Variants in RORA observed in about 807,000 individuals in gnomAD.
RORA encodes nuclear receptor ROR-alpha.
In RORA, 7 loss-of-function variants were observed where a neutral mutation model predicts 69.5. The observed-to-expected ratio is 0.10, with a 90% CI of 0.06 to 0.19. The LOEUF (loss-of-function observed/expected upper bound fraction) is 0.19. RORA is among the 10% of genes least tolerant of loss of function. The pLI is 1.00. For missense variants in RORA, 457 were observed against 663.0 expected (o/e 0.69, Z 3.41); for synonymous variants, 261 against 240.8 (o/e 1.08, Z -0.78).
At chr15:60,595,895 G>A (rs896216257) in intron 2 of RORA, among the ~76,000 whole-genome samples, 31 of 152,178 alleles carry the variant, frequency 2.0e-4, no homozygotes, top group Non-Finnish European at 3.8e-4. Context: ...CCCACGTGGT[G>A]TTCCTGTGTG....
At chr15:60,786,459 A>T (rs1231514418) in intron 1 of RORA, among the ~76,000 whole-genome samples, 1 of 152,236 alleles carries the variant, frequency 6.6e-6, no homozygotes, top group African/African-American at 2.4e-5. Flanking sequence ...TCTTTGTGAG[A>T]TGCACCTTGC....
intron 1 of RORA, among the ~76,000 whole-genome samples, chr15:61,114,725 T>C (rs547026333): frequency 6.6e-6 from 1 of 152,306 alleles, no homozygotes; most frequent in African/African-American, 2.4e-5. Context: ...TCACGGATGG[T>C]TATCCCTATA....
intron 1 of RORA, among the ~76,000 whole-genome samples, chr15:60,958,932 A>G (rs539889782): frequency 6.0e-4 from 92 of 152,248 alleles, no homozygotes; most frequent in African/African-American, 2.2e-3. Context: ...AATGGCCCAT[A>G]CTCTCTGCAC....
intron 2 of RORA, among the ~76,000 whole-genome samples, chr15:60,572,321 T>C (rs75939644): frequency 0.037 from 5,559 of 152,190 alleles, 322 homozygotes; most frequent in African/African-American, 0.13. Flanking sequence ...AAGAACCCCA[T>C]AAGAAACCTA....
At chr15:61,038,261 G>C (rs1182999773) in intron 1 of RORA, among the ~76,000 whole-genome samples, 3 of 152,170 alleles carry the variant, frequency 2.0e-5, no homozygotes, top group Non-Finnish European at 1.5e-5. Flanking sequence ...ATGTAGCAAT[G>C]AGACAAAATA....
intron 1 of RORA, among the ~76,000 whole-genome samples, chr15:61,180,997 G>A (rs1025835154): frequency 5.3e-5 from 8 of 151,696 alleles, no homozygotes; most frequent in East Asian, 1.9e-4. Context: ...CCAGCTACTC[G>A]GGAGGCTGAG....
At chr15:60,931,063 GA>G (rs1246300289) in intron 1 of RORA, among the ~76,000 whole-genome samples, 5 of 152,214 alleles carry the variant, frequency 3.3e-5, no homozygotes. Flanking sequence ...GCAGGGGGAA[GA>G]GGGGGAAGAC....
rs114915410 is a variant in RORA, at chr15:60,806,241, G to C, written c.167-127555C>G. Among the ~76,000 whole-genome samples, 115 of 152,228 alleles carry C rather than the reference G, an allele frequency of 7.6e-4. 1 individual carries two copies. Among genetic ancestry groups the C allele is most frequent in the African/African-American group, 2.6e-3 (108 of 41,516 alleles). On this transcript the variant is annotated intron_variant, in intron 1 of 10. Coordinates refer to ENST00000335670, the MANE Select transcript of RORA (RefSeq NM_134261.3). ...TAAAAAAACAAAAACAAAAACTTTG[G>C]GGCAAAGGAAAATACATACTCTAGC...
intron 2 of RORA, among the ~76,000 whole-genome samples, chr15:60,543,075 C>A (rs1267799993): frequency 6.6e-6 from 1 of 151,944 alleles, no homozygotes; most frequent in Non-Finnish European, 1.5e-5. Context: ...CGTGACTGGG[C>A]ACCAAGGACA....
At chr15:61,171,959 G>C (rs1361414663) in intron 1 of RORA, among the ~76,000 whole-genome samples, 1 of 152,150 alleles carries the variant, frequency 6.6e-6, no homozygotes, top group African/African-American at 2.4e-5. Flanking sequence ...TGCTTCAGTG[G>C]TGTTATTTAG....
intron 1 of RORA, among the ~76,000 whole-genome samples, chr15:61,144,081 C>A (rs570234275): frequency 1.3e-5 from 2 of 152,270 alleles, no homozygotes; most frequent in Admixed American, 1.3e-4. Context: ...AGAACAAGAA[C>A]CTTGTGTAAA....
At chr15:60,865,570 C>T (rs341384) in intron 1 of RORA, among the ~76,000 whole-genome samples, 1 of 152,142 alleles carries the variant, frequency 6.6e-6, no homozygotes, top group Non-Finnish European at 1.5e-5. Context: ...CAAGGGTGAG[C>T]GTCCTCTGTA....
In RORA at chr15:60,540,574, C is replaced by CCCCCGCCG. The variant is rs1555428642; in HGVS notation, c.197-8724_197-8723insCGGCGGGG. ...TGCACAATTTCCATGACCCCCCCCC[C>CCCCCGCCG]CCAAAACTGTGCGGTCACAAAACCC... On this transcript the variant is annotated intron_variant, in intron 2 of 10. Transcript: ENST00000335670. 6.8e-5 allele frequency among the ~76,000 whole-genome samples: 7 copies of CCCCCGCCG among 102,670 alleles called. 1 individual carries two copies. Among genetic ancestry groups the CCCCCGCCG allele is most frequent in the Admixed American group, 4.2e-4 (4 of 9,486 alleles). The allele number at this position is 102,670 out of a possible 152,430, so 67.4% of individuals were successfully genotyped here.
Position 61,023,823 on chromosome 15 carries a change from G to C in RORA, c.166+205230C>G, listed in dbSNP as rs140198635. ...CTTCTTCCTTTTCATCATTTCACAT[G>C]GGATGAGAGACCTTATCACACTGTC... On this transcript the variant is annotated intron_variant, in intron 1 of 10. Transcript: ENST00000335670. Among the ~76,000 whole-genome samples the C allele has an allele frequency of 3.4e-3, 517 of 152,214 alleles. 1 individual carries two copies. Among genetic ancestry groups the C allele is most frequent in the Middle Eastern group, 6.8e-3 (2 of 294 alleles).
At chr15:60,935,074 G>T (rs1243961470) in intron 1 of RORA, among the ~76,000 whole-genome samples, 3 of 152,152 alleles carry the variant, frequency 2.0e-5, no homozygotes, top group Non-Finnish European at 4.4e-5. Context: ...TCCCACAGGG[G>T]GCCCTCAGGA....
chr15:61,072,139 T>C (rs979664278), intron 1 of RORA, among the ~76,000 whole-genome samples: 3 of 152,238 alleles, frequency 2.0e-5, no homozygotes, highest in African/African-American at 7.2e-5. Flanking sequence ...AGCAAATTAC[T>C]GTTTATACAC....
intron 1 of RORA, among the ~76,000 whole-genome samples, chr15:61,166,110 T>C (rs982657123): frequency 6.6e-6 from 1 of 152,216 alleles, no homozygotes; most frequent in Non-Finnish European, 1.5e-5. Flanking sequence ...TATTCCAGTA[T>C]GTGGAAGAGA....
chr15:60,561,931 C>CA (rs112281659), intron 2 of RORA, among the ~76,000 whole-genome samples: 182 of 147,114 alleles, frequency 1.2e-3, no homozygotes, highest in South Asian at 8.4e-3. Flanking sequence ...ATGGGTTTAA[C>CA]AAAAAAAAAA....
chr15:61,060,464 A>G (rs1382773854), intron 1 of RORA, among the ~76,000 whole-genome samples: 1 of 152,104 alleles, frequency 6.6e-6, no homozygotes, highest in East Asian at 1.9e-4. Flanking sequence ...CCTTTCAGGT[A>G]CACCTCAGGG....
Sources: gnomAD v4.1 joint callset for allele counts (sites outside exome capture counted in the v4.1 genomes callset) on GRCh38, gnomAD v4.1.1 for gene constraint, MANE v1.5 for transcripts, NCBI Gene and HGNC (gene_info 2026-07-23, HGNC 2026-07-21) for gene names.